ERBB4: variants seen among roughly 807,000 people sequenced by gnomAD.
ERBB4 encodes the protein receptor tyrosine-protein kinase erbB-4.
A neutral mutation model predicts 158.0 loss-of-function variants in ERBB4; 42 were observed. That is an observed-to-expected ratio of 0.27 (90% CI 0.21 to 0.34). ERBB4 has a LOEUF of 0.34. Among genes scored for constraint, ERBB4 ranks in the 10% least tolerant of loss-of-function variants. ERBB4 has a pLI of 1.00. For missense variants in ERBB4, 1,333 were observed against 1,624.1 expected (o/e 0.82, Z 3.08); for synonymous variants, 583 against 558.7 (o/e 1.04, Z -0.61).
At chr2:211,838,000 A>T (rs1456417168) in intron 3 of ERBB4, among the ~76,000 whole-genome samples, 1 of 151,978 alleles carries the variant, frequency 6.6e-6, no homozygotes, top group African/African-American at 2.4e-5. Flanking sequence ...CTGAATGCCA[A>T]AGTGGACTGC....
chr2:211,447,040 C>T (rs769006282), intron 20 of ERBB4, among the ~76,000 whole-genome samples: 7 of 151,982 alleles, frequency 4.6e-5, no homozygotes, highest in East Asian at 1.9e-4. Context: ...GTCATGGTAC[C>T]GAATAAATGG....
At chr2:211,412,914 A>G (rs930738395) in intron 25 of ERBB4, among the ~76,000 whole-genome samples, 3 of 149,200 alleles carry the variant, frequency 2.0e-5, no homozygotes, top group African/African-American at 7.4e-5. Flanking sequence ...AGATCGCTCC[A>G]CTGCACTCCA....
At chr2:211,816,236 C>CAGTTTTCA (rs1186969022) in intron 3 of ERBB4, among the ~76,000 whole-genome samples, 1 of 152,016 alleles carries the variant, frequency 6.6e-6, no homozygotes, top group Non-Finnish European at 1.5e-5. Context: ...AATAAAATAT[C>CAGTTTTCA]AGTTTTCATA....
intron 9 of ERBB4, among the ~76,000 whole-genome samples, chr2:211,709,262 T>A (rs1168936855): frequency 1.4e-5 from 2 of 143,040 alleles, no homozygotes; most frequent in Non-Finnish European, 3.0e-5. Flanking sequence ...CACATATATA[T>A]ATATATATAT....
intron 4 of ERBB4, among the ~76,000 whole-genome samples, chr2:211,783,351 C>A (rs1358811767): frequency 1.3e-5 from 2 of 152,156 alleles, no homozygotes; most frequent in Non-Finnish European, 2.9e-5. Flanking sequence ...TAATTGAATA[C>A]CCTTTATTTC....
chr2:212,366,646 A>G (rs548871624), intron 1 of ERBB4, among the ~76,000 whole-genome samples: 126 of 152,100 alleles, frequency 8.3e-4, no homozygotes, highest in Non-Finnish European at 1.4e-3. Flanking sequence ...CCATAAGACA[A>G]TCACCAATAA....
chr2:212,268,206 T>C (rs2085219082), intron 1 of ERBB4, among the ~76,000 whole-genome samples: 1 of 151,962 alleles, frequency 6.6e-6, no homozygotes, highest in East Asian at 1.9e-4. Flanking sequence ...TGCAATTCTC[T>C]GTATGATAGC....
chr2:212,119,081 G>T (rs2079662596), intron 2 of ERBB4, among the ~76,000 whole-genome samples: 1 of 151,916 alleles, frequency 6.6e-6, no homozygotes, highest in Admixed American at 6.6e-5. Context: ...GAGTTCCAAT[G>T]AATTACGATA....
At chr2:211,573,395 G>C (rs2125750283) in intron 19 of ERBB4, among the ~76,000 whole-genome samples, 1 of 152,256 alleles carries the variant, frequency 6.6e-6, no homozygotes, top group Admixed American at 6.5e-5. Context: ...GAAGCACCAG[G>C]TGCGGTGGCT....
chr2:211,434,310 G>A (rs1007304103), intron 20 of ERBB4, among the ~76,000 whole-genome samples: 2 of 152,160 alleles, frequency 1.3e-5, no homozygotes, highest in African/African-American at 2.4e-5. Context: ...AGCCCCCAAA[G>A]TGATGGTGTT....
At chr2:212,191,200 T>C (rs1384161682) in intron 1 of ERBB4, among the ~76,000 whole-genome samples, 3 of 152,136 alleles carry the variant, frequency 2.0e-5, no homozygotes, top group Non-Finnish European at 4.4e-5. Flanking sequence ...ACAATACATA[T>C]TGCATGTCAT....
Position 212,036,387 on chromosome 2 carries a change from G to A in ERBB4, c.234+88365C>T, listed in dbSNP as rs2077013170. On this transcript the variant is annotated intron_variant, in intron 2 of 27. Coordinates refer to ENST00000342788, the MANE Select transcript of ERBB4 (RefSeq NM_005235.3). ...TTTTTTTTTAACCCTTCTTTATCTA[G>A]AAAGCATGCATTGGTGACGCTTATA... Among the ~76,000 whole-genome samples the A allele has an allele frequency of 3.3e-5, 5 of 151,942 alleles. 1 individual carries two copies. Among genetic ancestry groups the A allele is most frequent in the Admixed American group, 3.3e-4 (5 of 15,264 alleles).
intron 18 of ERBB4, among the ~76,000 whole-genome samples, chr2:211,620,566 C>T (rs543421344): frequency 1.6e-4 from 24 of 152,176 alleles, no homozygotes; most frequent in African/African-American, 5.5e-4. Context: ...TTGCATTCTT[C>T]CTAGGCAGAA....
intron 17 of ERBB4, among the ~76,000 whole-genome samples, chr2:211,629,022 T>G (rs182672648): frequency 6.6e-6 from 1 of 151,962 alleles, no homozygotes; most frequent in Non-Finnish European, 1.5e-5. Context: ...GGGTTGTTTG[T>G]TTTTTTTCTT....
chr2:212,054,805 A>C (rs1383902687), intron 2 of ERBB4, among the ~76,000 whole-genome samples: 1 of 152,140 alleles, frequency 6.6e-6, no homozygotes, highest in Non-Finnish European at 1.5e-5. Flanking sequence ...GGATGAAAGT[A>C]TTGATTAATA....
At chr2:211,853,712 C>T (rs915547300) in intron 3 of ERBB4, among the ~76,000 whole-genome samples, 2 of 152,054 alleles carry the variant, frequency 1.3e-5, no homozygotes, top group African/African-American at 4.8e-5. Context: ...AACTCCCCTG[C>T]AATTATCAGA....
chr2:211,857,724 A>G (rs2077906853), intron 3 of ERBB4, among the ~76,000 whole-genome samples: 1 of 152,250 alleles, frequency 6.6e-6, no homozygotes, highest in East Asian at 1.9e-4. Context: ...TGTTTCATTC[A>G]GGTAAAGTCT....
intron 1 of ERBB4, among the ~76,000 whole-genome samples, chr2:212,133,189 A>G (rs540389120): frequency 3.9e-5 from 6 of 152,164 alleles, no homozygotes; most frequent in Admixed American, 1.3e-4. Flanking sequence ...TCAAAAATGT[A>G]AATTGTTCAT....
chr2:212,231,605 T>C (rs1049244568), intron 1 of ERBB4, among the ~76,000 whole-genome samples: 3 of 152,172 alleles, frequency 2.0e-5, no homozygotes, highest in African/African-American at 7.2e-5. Flanking sequence ...TGGTCCATAT[T>C]GTGGATATTT....
Sources: allele counts gnomAD v4.1 joint callset (sites outside exome capture counted in the v4.1 genomes callset), GRCh38; gene constraint gnomAD v4.1.1; transcripts MANE v1.5; gene names NCBI Gene and HGNC (gene_info 2026-07-23, HGNC 2026-07-21).